Variants in SHC4 observed in about 807,000 individuals in gnomAD.
SHC4 encodes the protein SHC adaptor protein 4.
Under a neutral mutation model 69.4 loss-of-function variants are expected in SHC4, and 41 were observed. The ratio of observed to expected loss-of-function variants is 0.59; its 90% confidence interval spans 0.46 to 0.77. The LOEUF (loss-of-function observed/expected upper bound fraction) is 0.77, where lower values mean the gene tolerates loss of function less well. Among genes scored for constraint, SHC4 ranks in the 30% least tolerant of loss-of-function variants. The pLI is 0.00. For synonymous variants in SHC4, 318 were observed against 299.3 expected (o/e 1.06, Z -0.64); for missense variants, 777 against 783.8 (o/e 0.99, Z 0.10).
At chr15:48,906,316 T>C (rs1187782376) in intron 2 of SHC4, among the ~76,000 whole-genome samples, 2 of 152,220 alleles carry the variant, frequency 1.3e-5, no homozygotes, top group Non-Finnish European at 1.5e-5. Flanking sequence ...TATTTAGGGA[T>C]AATTTAAATA....
chr15:48,884,887 A>T (rs1446030412), intron 3 of SHC4, among the ~76,000 whole-genome samples: 2 of 152,172 alleles, frequency 1.3e-5, no homozygotes, highest in Non-Finnish European at 2.9e-5. Flanking sequence ...GATAATCATG[A>T]TGCCTGAAAT....
At chr15:48,931,263 T>C (rs1900959982) in intron 1 of SHC4, among the ~76,000 whole-genome samples, 1 of 152,220 alleles carries the variant, frequency 6.6e-6, no homozygotes, top group African/African-American at 2.4e-5. Flanking sequence ...ATTCCTAGGT[T>C]CTACTCTAGT....
chr15:48,930,807 A>T (rs1900950468), intron 1 of SHC4, among the ~76,000 whole-genome samples: 2 of 152,188 alleles, frequency 1.3e-5, no homozygotes, highest in African/African-American at 4.8e-5. Context: ...AATAATTTTT[A>T]GTCTTTCCCA....
chr15:48,912,931 C>T lies in SHC4; in HGVS notation c.656+11948G>A, dbSNP rs148656870. 5.2e-3 allele frequency among the ~76,000 whole-genome samples: 758 copies of T among 146,252 alleles called. 15 individuals carry two copies. Among genetic ancestry groups the T allele is most frequent in the African/African-American group, 0.018 (721 of 39,490 alleles). On this transcript the variant is annotated intron_variant, in intron 2 of 11. Transcript: ENST00000332408. ...TGGGGGTCGTCTGCACAGAGTCCTG[C>T]GATGTGAACTGTCTATGGGTCTCTC...
chr15:48,858,068 G>A (rs1347072739), intron 6 of SHC4, among the ~76,000 whole-genome samples: 2 of 152,090 alleles, frequency 1.3e-5, no homozygotes, highest in South Asian at 2.1e-4. Context: ...GGATTTGGGG[G>A]CCACATTTTT....
At chr15:48,835,749 C>T (rs1251503240) in intron 10 of SHC4, among the ~76,000 whole-genome samples, 1 of 152,188 alleles carries the variant, frequency 6.6e-6, no homozygotes, top group Non-Finnish European at 1.5e-5. Flanking sequence ...TAGCAGTTTA[C>T]AGTACTATCC....
rs147881852 is a variant in SHC4, at chr15:48,826,065, T to G, written c.1799A>C (p.Asn600Thr). Residue 600 changes from asparagine (N) to threonine (T), a missense_variant, in exon 12 of 12, where the codon AAC becomes ACC. Coordinates refer to ENST00000332408, the MANE Select transcript of SHC4 (RefSeq NM_203349.4). ...VGHLIRYHMD[N>T]SLPIISSGSE... is the part of the protein sequence containing the mutation. ...TCCAGAGGAGATGATTGGCAAACTGTTATCCATATGGTATCTGATAAGGTG... is the reference window on the plus strand; with the variant it reads ...TCCAGAGGAGATGATTGGCAAACTGGTATCCATATGGTATCTGATAAGGTG... 2.5e-6 allele frequency: 4 copies of G among 1,613,852 alleles called. No individual in the cohort carries two copies. Among genetic ancestry groups the G allele is most frequent in the Non-Finnish European group, 3.4e-6 (4 of 1,179,952 alleles).
intron 2 of SHC4, among the ~76,000 whole-genome samples, chr15:48,907,973 T>G (rs1016232188): frequency 2.0e-5 from 3 of 152,130 alleles, no homozygotes; most frequent in African/African-American, 7.2e-5. Context: ...AAGTATCTTT[T>G]TCGAATAATG....
intron 4 of SHC4, chr15:48,876,707 T>C (rs1231725821): frequency 1.8e-6 from 1 of 545,852 alleles, no homozygotes; most frequent in South Asian, 2.3e-5. Context: ...AGTCTCTCTT[T>C]TCACATTTTT....
At position 48,932,179 on chromosome 15, in the gene SHC4, G is replaced by A. The variant is rs997104733; in HGVS notation, c.586-7230C>T. ...TATATGGCATGTTATCATTCCGTCC[G>A]ATCCCCCAATCATTCTCACTTAAAA... On this transcript the variant is annotated intron_variant, in intron 1 of 11. Transcript: ENST00000332408. Among the ~76,000 whole-genome samples, 12 of 151,908 alleles carry A rather than the reference G, an allele frequency of 7.9e-5. No homozygotes were observed. The East Asian group carries it at 1.2e-3, about 15-fold the overall frequency.
chr15:48,943,969 T>G (rs1215704695), intron 1 of SHC4, among the ~76,000 whole-genome samples: 1 of 151,586 alleles, frequency 6.6e-6, no homozygotes, highest in African/African-American at 2.4e-5. Context: ...GTTAGTAAGG[T>G]AGAAAGAGGG....
chr15:48,853,848 A>G (rs1899261821), intron 8 of SHC4, among the ~76,000 whole-genome samples: 2 of 152,132 alleles, frequency 1.3e-5, no homozygotes, highest in African/African-American at 4.8e-5. Context: ...AAATATATAA[A>G]CGTTAAGACC....
At chr15:48,953,290 G>C (rs1901394595) in intron 1 of SHC4, among the ~76,000 whole-genome samples, 2 of 152,084 alleles carry the variant, frequency 1.3e-5, no homozygotes, top group Admixed American at 1.3e-4. Context: ...AGAGGAGGGA[G>C]AGGATTAGGA....
chr15:48,915,207 C>T (rs768321676), intron 2 of SHC4, among the ~76,000 whole-genome samples: 2 of 152,182 alleles, frequency 1.3e-5, no homozygotes, highest in African/African-American at 2.4e-5. Flanking sequence ...TTTATTCAAA[C>T]AAATAGTAAC....
At chr15:48,947,376 C>T (rs1247374760) in intron 1 of SHC4, 1 of 152,186 alleles carries the variant, frequency 6.6e-6, no homozygotes, top group East Asian at 1.9e-4. Flanking sequence ...AAAAAACACA[C>T]ACATTGCAGA....
chr15:48,883,029 CT>C (rs1899972141), intron 4 of SHC4, among the ~76,000 whole-genome samples: 1 of 152,152 alleles, frequency 6.6e-6, no homozygotes, highest in African/African-American at 2.4e-5. Context: ...TTGTATACTA[CT>C]GCTTAAACAG....
chr15:48,851,748 G>C (rs549594047), intron 8 of SHC4, among the ~76,000 whole-genome samples: 1 of 152,156 alleles, frequency 6.6e-6, no homozygotes. Context: ...AATATACTGT[G>C]GGGGAGGGAT....
rs985302404 is a variant in SHC4 at position 48,855,880 on chromosome 15, C to T, written c.1242+73G>A. ...TTTCTCTAAACTAGCATTTGGAAAT[C>T]CTCAAAGTAAATGCTCTAGTGATAA... On this transcript the variant is annotated intron_variant, in intron 8 of 11. Transcript: ENST00000332408. The T allele has an allele frequency of 2.7e-6, 4 of 1,454,606 alleles. No individual in the cohort carries two copies. In the Admixed American group the frequency reaches 8.9e-5, roughly 32 times the overall value. 90.1% of individuals were successfully genotyped at this position (1,454,606 alleles called of 1,614,324 possible).
At chr15:48,936,541 A>G (rs1263542597) in intron 1 of SHC4, among the ~76,000 whole-genome samples, 1 of 152,136 alleles carries the variant, frequency 6.6e-6, no homozygotes, top group African/African-American at 2.4e-5. Flanking sequence ...GTCCGCTTAA[A>G]GTAAGCTGAA....
Sources: gnomAD v4.1 joint callset for allele counts (sites outside exome capture counted in the v4.1 genomes callset) on GRCh38, gnomAD v4.1.1 for gene constraint, MANE v1.5 for transcripts, NCBI Gene and HGNC (gene_info 2026-07-23, HGNC 2026-07-21) for gene names.